The following BEST4 variants were observed in gnomAD, a reference collection of about 807,000 sequenced individuals.
BEST4 encodes bestrophin 4, also known as bestrophin-4.
BEST4 carries 36 observed loss-of-function variants against 47.1 expected under a neutral mutation model. The observed-to-expected ratio is 0.76, with a 90% confidence interval of 0.59 to 1.01. BEST4 has a LOEUF of 1.01. BEST4 is among the 50% of genes least tolerant of loss of function. The pLI is 0.00. For missense variants in BEST4, 550 were observed against 648.6 expected (o/e 0.85, Z 1.65); for synonymous variants, 250 against 277.8 (o/e 0.90, Z 1.00).
Position 44,786,238 on chromosome 1 carries a change from T to G in BEST4, c.482-10A>C, listed in dbSNP as rs768825952. 1 of 1,608,674 alleles carries G rather than the reference T, an allele frequency of 6.2e-7. No individual in the cohort carries two copies. The highest frequency in any genetic ancestry group is 8.5e-7 in the Non-Finnish European group (1 of 1,177,304). On this transcript the variant is annotated splice_polypyrimidine_tract_variant and intron_variant, in intron 3 of 8. Coordinates refer to ENST00000372207, the MANE Select transcript of BEST4 (RefSeq NM_153274.3). The surrounding 1 kb of genome is among the most constrained non-coding windows in gnomAD (Gnocchi z 4.9). ...TCCTGGGACATGAAACCTGAGGGGGTAAAGCAGGTGGGGTGCAGTTGCACC... is the reference window on the plus strand; with the variant it reads ...TCCTGGGACATGAAACCTGAGGGGGGAAAGCAGGTGGGGTGCAGTTGCACC...
downstream of BEST4, among the ~76,000 whole-genome samples, chr1:44,782,023 G>A (rs879547000): frequency 6.6e-6 from 1 of 152,100 alleles, no homozygotes; most frequent in Non-Finnish European, 1.5e-5. Flanking sequence ...AATTAGCAGG[G>A]TGTGGTGGCA....
At position 44,784,173 on chromosome 1, in the gene BEST4, AGTGG is replaced by A; in HGVS notation, c.*33_*36del. 1 of 1,344,336 alleles carries A rather than the reference AGTGG, an allele frequency of 7.4e-7. No homozygotes were observed. The highest frequency in any genetic ancestry group is 9.6e-7 in the Non-Finnish European group (1 of 1,046,544). The allele number at this position is 1,344,336 out of a possible 1,614,324, so 83.3% of individuals were successfully genotyped here. ...ACCGGGCACGGGAGGGAAGGAGGGC[AGTGG>A]GTGGGGGAAACCGGGCGGGGGCAGG... On this transcript the variant is annotated 3_prime_UTR_variant, in exon 9 of 9. Coordinates refer to ENST00000372207, the MANE Select transcript of BEST4 (RefSeq NM_153274.3). This position sits in a 1 kb window ranked among gnomAD's most constrained non-coding sequence, Gnocchi z 6.2.
chr1:44,785,715 G>A, intron 4 of BEST4, 39 bp from the exon 5 acceptor site: 1 of 1,518,486 alleles, frequency 6.6e-7, no homozygotes, highest in Middle Eastern at 1.7e-4. Flanking sequence ...GCAGAGGTGA[G>A]GAAGGAACAG....
chr1:44,785,408 A>T, intron 5 of BEST4, 103 bp from the exon 6 acceptor site: 1 of 1,316,340 alleles, frequency 7.6e-7, no homozygotes, highest in African/African-American at 1.5e-5. Context: ...GTAATCAAAC[A>T]TGTATCCTGG....
Position 44,784,414 on chromosome 1 carries a change from G to A in BEST4, c.1218C>T (p.Ala406=), listed in dbSNP as rs1651140583. 1 of 1,417,152 alleles carries A rather than the reference G, an allele frequency of 7.1e-7. No individual in the cohort carries two copies. Among genetic ancestry groups the A allele is most frequent in the Non-Finnish European group, 9.1e-7 (1 of 1,096,840 alleles). 87.8% of individuals were successfully genotyped at this position (1,417,152 alleles called of 1,614,324 possible). A position where few individuals can be genotyped will look rare whatever the true frequency, so the allele number is the denominator to read the frequency against. The part of the protein sequence containing the change: ...ASPGSGRPAP[A]AQTPLLGRFL... ...AGCGGCCGAGCAACGGGGTCTGCGCGGCGGGCGCGGGCCGACCAGATCCGG... is the reference window on the plus strand; with the variant it reads ...AGCGGCCGAGCAACGGGGTCTGCGCAGCGGGCGCGGGCCGACCAGATCCGG... The change falls in exon 9 of 9, where the codon GCC becomes GCT. Residue 406 remains alanine (A), a synonymous_variant. Transcript: ENST00000372207. This position sits in a 1 kb window ranked among gnomAD's most constrained non-coding sequence, Gnocchi z 6.2.
rs558041735 is a variant in BEST4, at chr1:44,786,554, G to A, written c.390C>T (p.Arg130=). The A allele has an allele frequency of 6.5e-7, 1 of 1,550,256 alleles. No individual in the cohort carries two copies. The highest frequency in any genetic ancestry group is 2.0e-5 in the Admixed American group (1 of 51,076). The change falls in exon 3 of 9, where the codon CGC becomes CGT. Residue 130 remains arginine (R), a synonymous_variant. Coordinates refer to ENST00000372207, the MANE Select transcript of BEST4 (RefSeq NM_153274.3). The surrounding 1 kb of genome is among the most constrained non-coding windows in gnomAD (Gnocchi z 4.9). ...CCAGCACGGACGCCAGGTTCGCGTAGCGGATGAGGGTGCGGCGCAGCAGGC... is the reference window on the plus strand; with the variant it reads ...CCAGCACGGACGCCAGGTTCGCGTAACGGATGAGGGTGCGGCGCAGCAGGC... ...RGRLLRRTLI[R]YANLASVLVL... is the part of the protein sequence containing the mutation.
intron 4 of BEST4, 48 bp from the exon 5 acceptor site, chr1:44,785,724 AG>A (rs1392109368): frequency 6.7e-7 from 1 of 1,483,498 alleles, no homozygotes; most frequent in Admixed American, 2.0e-5. Flanking sequence ...AGGAAGGAAC[AG>A]GGGTGCCCAG....
At chr1:44,791,970 C>T (rs189215782), upstream of BEST4, among the ~76,000 whole-genome samples, 240 of 152,268 alleles carry the variant, frequency 1.6e-3, no homozygotes, top group South Asian at 0.022. Context: ...AGGCCGGGTG[C>T]GGTAGCTCAC....
chr1:44,786,820 A>G lies in BEST4; in HGVS notation c.248-124T>C. On this transcript the variant is annotated intron_variant, in intron 2 of 8. Transcript: ENST00000372207. This position sits in a 1 kb window ranked among gnomAD's most constrained non-coding sequence, Gnocchi z 4.9. ...GTTGAATCGTGGCAGGGGGAAGGAAACATTCAGCTCCAGTGCCCTGCTGTG... is the reference window on the plus strand; with the variant it reads ...GTTGAATCGTGGCAGGGGGAAGGAAGCATTCAGCTCCAGTGCCCTGCTGTG... The G allele has an allele frequency of 1.4e-6, 1 of 730,528 alleles. No individual in the cohort carries two copies. The highest frequency in any genetic ancestry group is 2.2e-6 in the Non-Finnish European group (1 of 449,710). The allele number at this position is 730,528 out of a possible 1,614,324, so 45.3% of individuals were successfully genotyped here.
downstream of BEST4, among the ~76,000 whole-genome samples, chr1:44,783,062 C>A (rs113071759): frequency 3.4e-4 from 51 of 152,032 alleles, no homozygotes; most frequent in African/African-American, 1.1e-3. Flanking sequence ...TCAAGCAATT[C>A]TTGTGCCTCA....
At chr1:44,782,490 C>T (rs189723633), downstream of BEST4, among the ~76,000 whole-genome samples, 1,188 of 151,846 alleles carry the variant, frequency 7.8e-3, 10 homozygotes, top group Non-Finnish European at 0.011. Flanking sequence ...ATTAGCCGGG[C>T]GTGGTGGTGG....
Position 44,786,682 on chromosome 1 carries a change from G to C in BEST4, c.262C>G (p.Leu88Val), listed in dbSNP as rs2148848370. Residue 88 changes from leucine to valine, a missense_variant, in exon 3 of 9, where the codon CTC (leucine) becomes GTC (valine). Coordinates refer to ENST00000372207, the MANE Select transcript of BEST4 (RefSeq NM_153274.3). This position sits in a 1 kb window ranked among gnomAD's most constrained non-coding sequence, Gnocchi z 4.9. ...LSFVLGFYVT[L>V]VVNRWWSQYT... ...TGGGACCACCAGCGGTTCACCACGA[G>C]AGTCACATAGAAACCTGCTTGGCCG... The C allele has an allele frequency of 1.9e-6, 3 of 1,550,862 alleles. No homozygotes were observed. The highest frequency in any genetic ancestry group is 2.7e-5 in the African/African-American group (2 of 73,150).
At position 44,784,510 on chromosome 1, in the gene BEST4, G is replaced by A. The variant is rs1046249159; in HGVS notation, c.1149-27C>T. The stretch of plus-strand genomic sequence containing the variant: ...TGCGGGCGGGAGGGCGGGCTGAGCC[G>A]GGGCACAGGGCGGGAGCGGGGACGC... On this transcript the variant is annotated intron_variant, in intron 8 of 8. Coordinates refer to ENST00000372207, the MANE Select transcript of BEST4 (RefSeq NM_153274.3). The surrounding 1 kb of genome is among the most constrained non-coding windows in gnomAD (Gnocchi z 6.2). 1.4e-6 allele frequency: 2 copies of A among 1,478,488 alleles called. No homozygotes were observed. Among genetic ancestry groups the A allele is most frequent in the Admixed American group, 4.7e-5 (2 of 42,732 alleles). 91.6% of individuals were successfully genotyped at this position (1,478,488 alleles called of 1,614,324 possible). A position where few individuals can be genotyped will look rare whatever the true frequency, so the allele number is the denominator to read the frequency against.
intron 5 of BEST4, 46 bp from the exon 6 acceptor site, chr1:44,785,351 G>A: frequency 1.3e-6 from 2 of 1,514,978 alleles, no homozygotes; most frequent in Middle Eastern, 1.8e-4. Flanking sequence ...AGCGGGCCAA[G>A]GAGAAATGCT....
At position 44,786,700 on chromosome 1, in the gene BEST4, C is replaced by T. The variant is rs1184328883; in HGVS notation, c.248-4G>A. 3 of 1,545,874 alleles carry T rather than the reference C, an allele frequency of 1.9e-6. No individual in the cohort carries two copies. Among genetic ancestry groups the T allele is most frequent in the South Asian group, 2.4e-5 (2 of 83,898 alleles). On this transcript the variant is annotated splice_region_variant and splice_polypyrimidine_tract_variant and intron_variant, in intron 2 of 8. Coordinates refer to ENST00000372207, the MANE Select transcript of BEST4 (RefSeq NM_153274.3). The surrounding 1 kb of genome is among the most constrained non-coding windows in gnomAD (Gnocchi z 4.9). The stretch of plus-strand genomic sequence containing the variant: ...ACCACGAGAGTCACATAGAAACCTG[C>T]TTGGCCGCCGTGATAGAGGGAGTAG...
At position 44,784,233 on chromosome 1, in the gene BEST4, C is replaced by G. The variant is rs1322745978; in HGVS notation, c.1399G>C (p.Gly467Arg). The G allele has an allele frequency of 1.4e-6, 2 of 1,450,578 alleles. No homozygotes were observed. Among genetic ancestry groups the G allele is most frequent in the Non-Finnish European group, 1.8e-6 (2 of 1,110,808 alleles). The allele number at this position is 1,450,578 out of a possible 1,614,324, so 89.9% of individuals were successfully genotyped here. A position where few individuals can be genotyped will look rare whatever the true frequency, so the allele number is the denominator to read the frequency against. The change falls in exon 9 of 9, where the codon GGG (glycine) becomes CGG (arginine). Residue 467 changes from glycine to arginine, a missense_variant. Coordinates refer to ENST00000372207, the MANE Select transcript of BEST4 (RefSeq NM_153274.3). This position sits in a 1 kb window ranked among gnomAD's most constrained non-coding sequence, Gnocchi z 6.2. ...ARIEEESAES[G>R]DEALEP is the part of the protein sequence containing the mutation. ...CCTCAGGGCTCCAGGGCCTCGTCCC[C>G]GGACTCCGCCGATTCCTCCTCGATG...
downstream of BEST4, among the ~76,000 whole-genome samples, chr1:44,782,710 A>G (rs1651080003): frequency 1.3e-5 from 2 of 152,136 alleles, no homozygotes; most frequent in African/African-American, 4.8e-5. Context: ...GATGGAAAGA[A>G]GCAAAGCCAG....
rs944912042 is a variant in BEST4 at position 44,786,340 on chromosome 1, G to C, written c.482-112C>G. ...GTCCACCGGCTGTCCCAGGACTCGC[G>C]GTTCCGCGTTCCTGTCGCAGTCCAG... On this transcript the variant is annotated intron_variant, in intron 3 of 8. Transcript: ENST00000372207. This position sits in a 1 kb window ranked among gnomAD's most constrained non-coding sequence, Gnocchi z 4.9. 16 of 1,465,532 alleles carry C rather than the reference G, an allele frequency of 1.1e-5. No individual in the cohort carries two copies. In the Admixed American group the frequency reaches 2.9e-4, roughly 26 times the overall value. The allele number at this position is 1,465,532 out of a possible 1,614,324, so 90.8% of individuals were successfully genotyped here. A position where few individuals can be genotyped will look rare whatever the true frequency, so the allele number is the denominator to read the frequency against.
Position 44,785,672 on chromosome 1 carries a change from A to G in BEST4, c.641T>C (p.Leu214Pro). 14 of 1,553,558 alleles carry G rather than the reference A, an allele frequency of 9.0e-6. No homozygotes were observed. Among genetic ancestry groups the G allele is most frequent in the Non-Finnish European group, 1.2e-5 (14 of 1,148,086 alleles). The change falls in exon 5 of 9, where the codon CTG becomes CCG. Residue 214 changes from leucine to proline, a missense_variant. Around this residue, in one of 3 missense-constraint regions of BEST4, gnomAD observed 291 missense variants for 342.4 expected, o/e 0.85. Coordinates refer to ENST00000372207, the MANE Select transcript of BEST4 (RefSeq NM_153274.3). ...DIALCLLLEELNKYRAKCSML... is the reference protein window; with the variant it reads ...DIALCLLLEEPNKYRAKCSML... ...GCTGCACTTGGCTCGGTACTTGTTC[A>G]GCTCCTGGGGGAACAGCAGGAACAG...
Sources: gnomAD v4.1 joint callset for allele counts (sites outside exome capture counted in the v4.1 genomes callset) on GRCh38, gnomAD v4.1.1 for gene constraint, gnomAD v4.1.1 regional missense constraint, Gnocchi (gnomAD v3.1) non-coding constraint, MANE v1.5 for transcripts, NCBI Gene and HGNC (gene_info 2026-07-23, HGNC 2026-07-21) for gene names.